UCHL5: variants seen among roughly 807,000 people sequenced by gnomAD.
UCHL5 encodes ubiquitin C-terminal hydrolase L5.
In UCHL5, 34 loss-of-function variants were observed where a neutral mutation model predicts 53.8. The observed-to-expected ratio is 0.63, with a 90% CI of 0.48 to 0.84. UCHL5 has a LOEUF of 0.84. Ranked by LOEUF, UCHL5 falls within the 40% of genes least tolerant of loss-of-function variation. The pLI, the probability that UCHL5 is intolerant of heterozygous loss-of-function variation, is 0.00. For synonymous variants in UCHL5, 111 were observed against 126.3 expected, an observed-to-expected ratio of 0.88 and a Z score of 0.81; for missense variants, 290 against 385.6, an observed-to-expected ratio of 0.75 and a Z score of 2.08.
Position 193,050,336 on chromosome 1 carries a change from C to G in UCHL5, c.141-485G>C, listed in dbSNP as rs538290522. ...ATCTCATACATAATGAAATCATCCACTTTCCTAAAGGAACTGTTTTTGAGC... is the reference window on the plus strand; with the variant it reads ...ATCTCATACATAATGAAATCATCCAGTTTCCTAAAGGAACTGTTTTTGAGC... On this transcript the variant is annotated intron_variant, in intron 2 of 10. Coordinates refer to ENST00000367454, the MANE Select transcript of UCHL5 (RefSeq NM_001199261.3). Among the ~76,000 whole-genome samples, 13 of 152,266 alleles carry G rather than the reference C, an allele frequency of 8.5e-5. No homozygotes were observed. In the South Asian group the frequency reaches 2.3e-3, roughly 27 times the overall value.
chr1:193,020,439 T>C (rs763267717), intron 10 of UCHL5: 63 of 1,542,690 alleles, frequency 4.1e-5, no homozygotes, highest in Non-Finnish European at 5.3e-5. Context: ...AAAGAATCCT[T>C]CCCCTATATC....
At chr1:193,016,938 G>A (rs992661811) in intron 10 of UCHL5, among the ~76,000 whole-genome samples, 3 of 151,608 alleles carry the variant, frequency 2.0e-5, no homozygotes, top group Non-Finnish European at 1.5e-5. Flanking sequence ...CAATTATATA[G>A]CTTGAACACA....
chr1:193,059,133 C>T lies in UCHL5; in HGVS notation c.76+52G>A, dbSNP rs1671926321. On this transcript the variant is annotated intron_variant, in intron 1 of 10. Coordinates refer to ENST00000367454, the MANE Select transcript of UCHL5 (RefSeq NM_001199261.3). This position sits in a 1 kb window ranked among gnomAD's most constrained non-coding sequence, Gnocchi z 4.9. ...CCGCAGGGAACCACTCCATGCCCAG[C>T]TTGGGCCTCCTCCCGTGACCCCAGG... 2.0e-6 allele frequency: 3 copies of T among 1,484,988 alleles called. No homozygotes were observed. Among genetic ancestry groups the T allele is most frequent in the Non-Finnish European group, 2.7e-6 (3 of 1,111,218 alleles). 92.0% of individuals were successfully genotyped at this position (1,484,988 alleles called of 1,614,324 possible).
chr1:193,049,905 A>G (rs1018251619), intron 2 of UCHL5, 54 bp from the exon 3 acceptor site: 1 of 1,424,800 alleles, frequency 7.0e-7, no homozygotes. Flanking sequence ...TTCATAATAC[A>G]TTGTTAATCT....
Position 193,013,120 on chromosome 1 carries a change from GCA to G in UCHL5, c.*3229_*3230del, listed in dbSNP as rs895039573. On this transcript the variant is annotated 3_prime_UTR_variant, in exon 11 of 11. Coordinates refer to ENST00000367454, the MANE Select transcript of UCHL5 (RefSeq NM_001199261.3). ...AGGTTTAACTTTTCTGCATTCCAGT[GCA>G]CAGTCATTAAGTGTTACAGCAGGTT... 3 of 152,186 alleles carry G rather than the reference GCA, an allele frequency of 2.0e-5. No individual in the cohort carries two copies. The highest frequency in any genetic ancestry group is 4.8e-5 in the African/African-American group (2 of 41,442). 9.4% of individuals were successfully genotyped at this position (152,186 alleles called of 1,614,324 possible).
rs1015625242 is a variant in UCHL5, at chr1:193,059,358, C to T, written c.-98G>A. ...AGATCTCAGCAAACCCGCCGCCGAG[C>T]TCGTCAACCACACGTCACCCCGCCT... On this transcript the variant is annotated 5_prime_UTR_variant, in exon 1 of 11. Coordinates refer to ENST00000367454, the MANE Select transcript of UCHL5 (RefSeq NM_001199261.3). The surrounding 1 kb of genome is among the most constrained non-coding windows in gnomAD (Gnocchi z 4.9). The T allele has an allele frequency of 3.1e-6, 5 of 1,606,188 alleles. No individual in the cohort carries two copies. The African/African-American group carries it at 6.7e-5, about 21-fold the overall frequency.
chr1:193,029,794 G>A (rs1358572140), intron 3 of UCHL5, 137 bp from the exon 4 acceptor site: 7 of 715,378 alleles, frequency 9.8e-6, no homozygotes, highest in Non-Finnish European at 1.3e-5. Context: ...GAATAAATAT[G>A]TTTAATTTCT....
intron 3 of UCHL5, among the ~76,000 whole-genome samples, chr1:193,037,115 AAATT>A (rs142816351): frequency 0.012 from 1,892 of 152,052 alleles, 36 homozygotes; most frequent in African/African-American, 0.043. Flanking sequence ...ACCAAACCCA[AAATT>A]ATTAGAAGGA....
intron 1 of UCHL5, among the ~76,000 whole-genome samples, chr1:193,055,953 G>A (rs1484803132): frequency 6.6e-6 from 1 of 152,126 alleles, no homozygotes; most frequent in Non-Finnish European, 1.5e-5. Flanking sequence ...AGTTTATGTA[G>A]AATTGGTATT....
intron 3 of UCHL5, among the ~76,000 whole-genome samples, chr1:193,038,605 G>A (rs903227007): frequency 6.6e-6 from 1 of 152,122 alleles, no homozygotes; most frequent in Non-Finnish European, 1.5e-5. Flanking sequence ...AACTGGAAAG[G>A]AAGAAATAAA....
At chr1:193,050,553 T>G (rs1668679810) in intron 2 of UCHL5, among the ~76,000 whole-genome samples, 1 of 151,846 alleles carries the variant, frequency 6.6e-6, no homozygotes, top group South Asian at 2.1e-4. Flanking sequence ...GACAACATAG[T>G]GAAACCACAT....
chr1:193,058,653 T>G, intron 1 of UCHL5, among the ~76,000 whole-genome samples: 1 of 152,230 alleles, frequency 6.6e-6, no homozygotes, highest in Admixed American at 6.5e-5. Flanking sequence ...GCAGTCAGCG[T>G]GTGTGGACGT....
At chr1:193,055,610 A>G (rs1468161589) in intron 1 of UCHL5, among the ~76,000 whole-genome samples, 3 of 152,252 alleles carry the variant, frequency 2.0e-5, no homozygotes, top group African/African-American at 7.2e-5. Context: ...AACAGATGTT[A>G]GATTTTGTCA....
intron 1 of UCHL5, among the ~76,000 whole-genome samples, chr1:193,053,147 C>T (rs896876971): frequency 6.6e-6 from 1 of 152,034 alleles, no homozygotes; most frequent in African/African-American, 2.4e-5. Flanking sequence ...GAATATCTAG[C>T]AACAGATTAA....
At chr1:193,054,066 T>C (rs1171899644) in intron 1 of UCHL5, among the ~76,000 whole-genome samples, 2 of 151,992 alleles carry the variant, frequency 1.3e-5, no homozygotes, top group East Asian at 1.9e-4. Context: ...CTAGGTCTTT[T>C]AAAAAATGAT....
chr1:193,022,316 A>G (rs1005893309), intron 9 of UCHL5, among the ~76,000 whole-genome samples: 7 of 152,170 alleles, frequency 4.6e-5, no homozygotes, highest in Non-Finnish European at 4.4e-5. Context: ...GGGAGCAACA[A>G]AAAGGACAGT....
At chr1:193,023,282 T>C (rs1026910103) in intron 8 of UCHL5, among the ~76,000 whole-genome samples, 1 of 152,208 alleles carries the variant, frequency 6.6e-6, no homozygotes, top group Non-Finnish European at 1.5e-5. Flanking sequence ...TCTATTGCCA[T>C]ATTCTCCTAA....
chr1:193,059,210 G>A lies in UCHL5; in HGVS notation c.51C>T (p.Val17=), dbSNP rs1371583379. ...EWCLMESDPG[V]FTELIKGFGC... ...CGAATCCTTTAATGAGCTCGGTGAA[G>A]ACCCCGGGGTCGCTTTCCATGAGGC... The change falls in exon 1 of 11, where the codon GTC becomes GTT. Residue 17 remains valine, a synonymous_variant. Coordinates refer to ENST00000367454, the MANE Select transcript of UCHL5 (RefSeq NM_001199261.3). This position sits in a 1 kb window ranked among gnomAD's most constrained non-coding sequence, Gnocchi z 4.9. The A allele has an allele frequency of 6.2e-7, 1 of 1,613,798 alleles. No homozygotes were observed. The highest frequency in any genetic ancestry group is 8.5e-7 in the Non-Finnish European group (1 of 1,179,980).
intron 10 of UCHL5, among the ~76,000 whole-genome samples, chr1:193,018,240 G>C (rs1655548980): frequency 6.6e-6 from 1 of 151,464 alleles, no homozygotes; most frequent in African/African-American, 2.4e-5. Flanking sequence ...ATATTGTGAA[G>C]TTGTTTGGAT....
Sources: allele counts gnomAD v4.1 joint callset (sites outside exome capture counted in the v4.1 genomes callset), GRCh38; gene constraint gnomAD v4.1.1; non-coding constraint Gnocchi (gnomAD v3.1); transcripts MANE v1.5; gene names NCBI Gene and HGNC (gene_info 2026-07-23, HGNC 2026-07-21).